The following MMP19 variants were observed in gnomAD, a reference collection of about 807,000 sequenced individuals.
The protein encoded by MMP19 is matrix metallopeptidase 19.
In MMP19, 47 loss-of-function variants were observed where a neutral mutation model predicts 46.6. That is an observed-to-expected ratio of 1.01 (90% CI 0.80 to 1.29). MMP19 has a LOEUF of 1.29. Ranked by LOEUF, MMP19 falls within the 50% of genes most tolerant of loss-of-function variation. The pLI is 0.00. For missense variants in MMP19, 589 were observed against 643.5 expected (o/e 0.92, Z 0.92); for synonymous variants, 222 against 248.5 (o/e 0.89, Z 1.00).
chr12:55,838,599 G>T lies in MMP19; in HGVS notation c.895+7C>A, dbSNP rs1466153723. The T allele has an allele frequency of 1.9e-6, 3 of 1,614,172 alleles. No individual in the cohort carries two copies. The East Asian group carries it at 6.7e-5, about 36-fold the overall frequency. ...CCTGCCAACAGCCTGGAGGGGAGGG[G>T]CCTCACCCAGCATCATGGCATCCAG... is the stretch of plus-strand genomic sequence containing the variant. On this transcript the variant is annotated splice_region_variant and intron_variant, in intron 6 of 8. Transcript: ENST00000322569.
Position 55,837,844 on chromosome 12 carries a change from C to G in MMP19, c.1059G>C (p.Lys353Asn). 1 of 1,603,528 alleles carries G rather than the reference C, an allele frequency of 6.2e-7. No homozygotes were observed. Among genetic ancestry groups the G allele is most frequent in the African/African-American group, 1.3e-5 (1 of 74,828 alleles). ...SPRTQWIHFF[K>N]GDKVWRYINF... ...AGACACTGTAACTAGCCTCCTTACC[C>G]TTAAAGAAGTGAATCCATTGTGTTC... The change falls in exon 7 of 9, where the codon AAG (lysine) becomes AAC (asparagine). Residue 353 changes from lysine to asparagine, a missense_variant and splice_region_variant. Lys to Asn is a moderately conservative substitution (Grantham distance 94). Transcript: ENST00000322569.
chr12:55,842,445 T>G lies in MMP19; in HGVS notation c.88-7A>C, dbSNP rs1483945450. On this transcript the variant is annotated splice_polypyrimidine_tract_variant and splice_region_variant and intron_variant, in intron 1 of 8. Coordinates refer to ENST00000322569, the MANE Select transcript of MMP19 (RefSeq NM_002429.6). ...CATATTGTGACAGGTAGTCCTATGA[T>G]GGGAGTGGAGGTAAGCAGGTTAAAA... The G allele has an allele frequency of 6.2e-7, 1 of 1,603,806 alleles. No homozygotes were observed. The highest frequency in any genetic ancestry group is 1.1e-5 in the South Asian group (1 of 90,892).
intron 4 of MMP19, 199 bp from the exon 5 acceptor site, chr12:55,839,940 T>C (rs1435198535): frequency 4.2e-5 from 29 of 692,222 alleles, no homozygotes; most frequent in Non-Finnish European, 6.8e-5. Context: ...CACTGTCCCT[T>C]ACCTTCCCAG....
At position 55,838,717 on chromosome 12, in the gene MMP19, T is replaced by C. The variant is rs1306732697; in HGVS notation, c.784A>G (p.Ile262Val). ...QALYGKKSPV[I>V]RDEEEEETEL... ...GTCTCTTCTTCTTCCTCATCCCTTA[T>C]CACTGGACTCTTCTTGCCTATAAGG... Residue 262 changes from isoleucine (I) to valine (V), a missense_variant, in exon 6 of 9, where the codon ATA becomes GTA. By Grantham distance (29) the Ile-to-Val change is conservative (BLOSUM62 3). Coordinates refer to ENST00000322569, the MANE Select transcript of MMP19 (RefSeq NM_002429.6). 6.2e-7 allele frequency: 1 copy of C among 1,601,416 alleles called. No individual in the cohort carries two copies. Among genetic ancestry groups the C allele is most frequent in the African/African-American group, 1.3e-5 (1 of 74,770 alleles).
rs769304191 is a variant in MMP19, at chr12:55,837,547, C to A, written c.1188+8G>T. The A allele has an allele frequency of 1.2e-6, 2 of 1,614,144 alleles. No homozygotes were observed. Among genetic ancestry groups the A allele is most frequent in the Non-Finnish European group, 1.7e-6 (2 of 1,180,042 alleles). The stretch of plus-strand genomic sequence containing the variant: ...AGAAGGGATTTGCCCTTGCTTTGAA[C>A]TTTATACCTTAAAGAGGAACACCTT... On this transcript the variant is annotated splice_region_variant and intron_variant, in intron 8 of 8. Transcript: ENST00000322569.
At chr12:55,839,380 G>T in intron 5 of MMP19, 116 bp downstream of exon 5, 3 of 1,310,388 alleles carry the variant, frequency 2.3e-6, no homozygotes, top group Admixed American at 2.4e-5. Flanking sequence ...GAGTAACTGG[G>T]CTGGAGGAGA....
rs113058577 is a variant in MMP19, at chr12:55,837,668, G to T, written c.1075C>A (p.Arg359Ser). ...IHFFKGDKVW[R>S]YINFKMSPGF... ...GGAGACATCTTGAAATTAATGTAGC[G>T]CCACACCTTGTCTCCTGAGAGCATG... The change falls in exon 8 of 9, where the codon CGC (arginine) becomes AGC (serine). Residue 359 changes from arginine to serine, a missense_variant. Coordinates refer to ENST00000322569, the MANE Select transcript of MMP19 (RefSeq NM_002429.6). 6.2e-7 allele frequency: 1 copy of T among 1,614,038 alleles called. No homozygotes were observed. Among genetic ancestry groups the T allele is most frequent in the African/African-American group, 1.3e-5 (1 of 74,886 alleles).
At position 55,840,801 on chromosome 12, in the gene MMP19, A is replaced by G; in HGVS notation, c.386T>C (p.Leu129Pro). The G allele has an allele frequency of 6.2e-7, 1 of 1,612,656 alleles. No individual in the cohort carries two copies. The highest frequency in any genetic ancestry group is 8.5e-7 in the Non-Finnish European group (1 of 1,178,834). The stretch of plus-strand genomic sequence containing the variant: ...GCTCCAGTCCTGGAAGGCTTGACGC[A>G]GGGCTGCCCGGGCTGTGTGGGGTGG... ...TLPPHTARAALRQAFQDWSNV... is the reference protein window; with the variant it reads ...TLPPHTARAAPRQAFQDWSNV... The change falls in exon 4 of 9, where the codon CTG becomes CCG. Residue 129 changes from leucine to proline, a missense_variant. Coordinates refer to ENST00000322569, the MANE Select transcript of MMP19 (RefSeq NM_002429.6).
At position 55,841,510 on chromosome 12, in the gene MMP19, TCTTCCTTCCTTCCTTC is replaced by T. The variant is rs10538119; in HGVS notation, c.174-290_174-275del. 5.7e-4 allele frequency: 108 copies of T among 188,036 alleles called. 1 individual carries two copies. The South Asian group carries it at 0.011, about 20-fold the overall frequency. The allele number at this position is 188,036 out of a possible 1,614,324, so 11.6% of individuals were successfully genotyped here. Reference sequence around the variant, plus strand: ...GTGTAGCCTTCCTCCTCTACTGCAATCTTCCTTCCTTCCTTCCTTCCTTCCTTCCTTCCTTCCTTCC... The same window carrying T: ...GTGTAGCCTTCCTCCTCTACTGCAATCTTCCTTCCTTCCTTCCTTCCTTCC... On this transcript the variant is annotated intron_variant, in intron 2 of 8. Transcript: ENST00000322569.
At chr12:55,839,839 A>C in intron 4 of MMP19, 98 bp from the exon 5 acceptor site, 1 of 1,423,806 alleles carries the variant, frequency 7.0e-7, no homozygotes, top group Non-Finnish European at 9.4e-7. Context: ...TACCTTTAAA[A>C]TTCCCCCAGC....
rs1592605268 is a variant in MMP19 at position 55,838,240 on chromosome 12, T to C, written c.896-233A>G. 3 of 619,750 alleles carry C rather than the reference T, an allele frequency of 4.8e-6. No homozygotes were observed. In the East Asian group the frequency reaches 8.3e-5, roughly 17 times the overall value. The allele number at this position is 619,750 out of a possible 1,614,324, so 38.4% of individuals were successfully genotyped here. A position where few individuals can be genotyped will look rare whatever the true frequency, so the allele number is the denominator to read the frequency against. On this transcript the variant is annotated intron_variant, in intron 6 of 8. Transcript: ENST00000322569. ...CTCAACAAAACAAAAGCCCTGCAGA[T>C]AGCTATTCCTCCTTAGGAACCTCAC... is the stretch of plus-strand genomic sequence containing the variant.
intron 6 of MMP19, chr12:55,838,219 A>G: frequency 1.6e-6 from 1 of 629,028 alleles, no homozygotes; most frequent in Non-Finnish European, 2.7e-6. Context: ...GGTCCACTCA[A>G]CAAAACAAAA....
At chr12:55,841,054 C>A in intron 3 of MMP19, 52 bp downstream of exon 3, 1 of 1,598,078 alleles carries the variant, frequency 6.3e-7, no homozygotes, top group Non-Finnish European at 8.6e-7. Flanking sequence ...ACCCACACGC[C>A]AGAACCACAT....
At position 55,837,344 on chromosome 12, in the gene MMP19, C is replaced by A; in HGVS notation, c.1219G>T (p.Ala407Ser). The stretch of plus-strand genomic sequence containing the variant: ...GGGTAGCTGCTGAAGTCAGTTCGGG[C>A]TAGCTCGTCCCACTGCCAGTACCCG... ...GSGYWQWDELARTDFSSYPKP... is the reference protein window; with the variant it reads ...GSGYWQWDELSRTDFSSYPKP... The change falls in exon 9 of 9, where the codon GCC (alanine) becomes TCC (serine). Residue 407 changes from alanine to serine, a missense_variant. Transcript: ENST00000322569. 1 of 1,605,660 alleles carries A rather than the reference C, an allele frequency of 6.2e-7. No homozygotes were observed. The highest frequency in any genetic ancestry group is 8.5e-7 in the Non-Finnish European group (1 of 1,173,382).
chr12:55,842,797 G>A lies in MMP19; in HGVS notation c.34C>T (p.Leu12Phe), dbSNP rs1036220107. The change falls in exon 1 of 9, where the codon CTC (leucine) becomes TTC (phenylalanine). Residue 12 changes from leucine (L) to phenylalanine (F), a missense_variant. Transcript: ENST00000322569. ...NCQQLWLGFL[L>F]PMTVSGRVLG... ...ACCCGGCCTGAGACTGTCATGGGGA[G>A]TAGGAAGCCCAGCCACAGCTGCTGG... 8.1e-6 allele frequency: 13 copies of A among 1,605,608 alleles called. No homozygotes were observed. In the Admixed American group the frequency reaches 1.5e-4, roughly 19 times the overall value.
At chr12:55,840,987 G>A in intron 3 of MMP19, 105 bp from the exon 4 acceptor site, 1 of 1,526,200 alleles carries the variant, frequency 6.6e-7, no homozygotes, top group Non-Finnish European at 8.9e-7. Flanking sequence ...TGACAACCAG[G>A]TAATCACCAG....
chr12:55,840,529 G>A (rs952341285), intron 4 of MMP19, 138 bp downstream of exon 4: 16 of 850,058 alleles, frequency 1.9e-5, no homozygotes, highest in African/African-American at 5.1e-5. Context: ...CCGTGCTCCC[G>A]TTAGGAGGTA....
chr12:55,839,439 C>T, intron 5 of MMP19, 57 bp downstream of exon 5: 1 of 1,545,912 alleles, frequency 6.5e-7, no homozygotes, highest in East Asian at 2.3e-5. Context: ...CCTGTCTCTT[C>T]AAGCCTTGAC....
In MMP19 at chr12:55,837,558, A is replaced by G; in HGVS notation, c.1185T>C (p.Phe395=). ...YWPLNQKVFL[F]KGSGYWQWDE... is the part of the protein sequence containing the mutation. ...GCCCTTGCTTTGAACTTTATACCTT[A>G]AAGAGGAACACCTTTTGGTTGAGAG... Residue 395 remains phenylalanine (F), a synonymous_variant, in exon 8 of 9, where the codon TTT becomes TTC. Coordinates refer to ENST00000322569, the MANE Select transcript of MMP19 (RefSeq NM_002429.6). 6.2e-7 allele frequency: 1 copy of G among 1,614,174 alleles called. No homozygotes were observed. Among genetic ancestry groups the G allele is most frequent in the East Asian group, 2.2e-5 (1 of 44,884 alleles).
Sources: allele counts gnomAD v4.1 joint callset, GRCh38; gene constraint gnomAD v4.1.1; transcripts MANE v1.5; gene names NCBI Gene and HGNC (gene_info 2026-07-23, HGNC 2026-07-21).